The following GALNT18 variants were observed in gnomAD, a reference collection of about 807,000 sequenced individuals.
GALNT18 encodes the protein polypeptide N-acetylgalactosaminyltransferase 18, also known as GalNAc-transferase 18.
GALNT18 carries 44 observed loss-of-function variants against 69.5 expected under a neutral mutation model. The observed-to-expected ratio is 0.63, with a 90% CI of 0.50 to 0.81. The LOEUF (loss-of-function observed/expected upper bound fraction) is 0.81. Among genes scored for constraint, GALNT18 ranks in the 40% least tolerant of loss-of-function variants. The probability of loss-of-function intolerance (pLI) is 0.00; values close to 1 mark genes in which losing one functional copy is unlikely to be tolerated. For missense variants in GALNT18, 715 were observed against 810.0 expected (o/e 0.88, Z 1.42); for synonymous variants, 364 against 318.2 (o/e 1.14, Z -1.53).
intron 3 of GALNT18, among the ~76,000 whole-genome samples, chr11:11,423,285 C>CACA (rs3043442): frequency 0.1 from 15,886 of 152,274 alleles, 899 homozygotes; most frequent in African/African-American, 0.16. Flanking sequence ...TACACATGTA[C>CACA]ACAAACGTAT....
chr11:11,578,494 A>C (rs1307166759), intron 1 of GALNT18, among the ~76,000 whole-genome samples: 1 of 152,214 alleles, frequency 6.6e-6, no homozygotes, highest in Non-Finnish European at 1.5e-5. Flanking sequence ...GTTTGAGTGC[A>C]CCTGGTAATG....
intron 2 of GALNT18, among the ~76,000 whole-genome samples, chr11:11,443,800 A>C (rs1185920653): frequency 6.6e-6 from 1 of 152,202 alleles, no homozygotes; most frequent in Non-Finnish European, 1.5e-5. Context: ...TGCCTCCCCC[A>C]GTTCTTCCCA....
intron 3 of GALNT18, among the ~76,000 whole-genome samples, chr11:11,390,880 G>T (rs572426364): frequency 6.6e-6 from 1 of 152,304 alleles, no homozygotes; most frequent in South Asian, 2.1e-4. Context: ...CATTTACCTT[G>T]ACTTTGGGCA....
intron 6 of GALNT18, among the ~76,000 whole-genome samples, chr11:11,359,437 C>A (rs1850596825): frequency 1.1e-5 from 1 of 91,476 alleles, no homozygotes; most frequent in Non-Finnish European, 2.6e-5. Context: ...TGCTAGGGAC[C>A]CTTCCTTGCT....
At chr11:11,472,238 G>A (rs1035787075) in intron 1 of GALNT18, among the ~76,000 whole-genome samples, 2 of 152,334 alleles carry the variant, frequency 1.3e-5, no homozygotes, top group Admixed American at 6.5e-5. Flanking sequence ...AGAGGGATTT[G>A]CAGGGCCTGG....
Position 11,564,921 on chromosome 11 carries a change from A to AAT in GALNT18, c.235+56436_235+56437dup, listed in dbSNP as rs1282506450. ...GTCTAGAACATCTCCCTCCCCACAG[A>AAT]ATGCTTGCTCTATTGGACAGCCCTG... On this transcript the variant is annotated intron_variant, in intron 1 of 10. Transcript: ENST00000227756. This position sits in a 1 kb window ranked among gnomAD's most constrained non-coding sequence, Gnocchi z 4.3. Among the ~76,000 whole-genome samples, 1 of 152,162 alleles carries AAT rather than the reference A, an allele frequency of 6.6e-6. No individual in the cohort carries two copies. The highest frequency in any genetic ancestry group is 1.5e-5 in the Non-Finnish European group (1 of 68,032).
At chr11:11,574,679 A>G (rs1033002343) in intron 1 of GALNT18, among the ~76,000 whole-genome samples, 4 of 152,056 alleles carry the variant, frequency 2.6e-5, no homozygotes, top group African/African-American at 9.7e-5. Context: ...AGCAAAAGAC[A>G]CTCTGGGTGC....
At position 11,271,015 on chromosome 11, in the gene GALNT18, T is replaced by A. The variant is rs1418501668; in HGVS notation, c.*129A>T. On this transcript the variant is annotated 3_prime_UTR_variant, in exon 11 of 11. Coordinates refer to ENST00000227756, the MANE Select transcript of GALNT18 (RefSeq NM_198516.3). Reference sequence around the variant, plus strand: ...AACTCCATGAAAATTGAATAGGAAATAAAAAGCTCTTCTTGGGGGCCCACT... The same window carrying A: ...AACTCCATGAAAATTGAATAGGAAAAAAAAAGCTCTTCTTGGGGGCCCACT... 2.9e-6 allele frequency: 2 copies of A among 692,548 alleles called. No individual in the cohort carries two copies. Among genetic ancestry groups the A allele is most frequent in the Non-Finnish European group, 4.6e-6 (2 of 436,752 alleles). 42.9% of individuals were successfully genotyped at this position (692,548 alleles called of 1,614,324 possible).
intron 1 of GALNT18, among the ~76,000 whole-genome samples, chr11:11,608,861 A>G (rs1452684751): frequency 6.6e-6 from 1 of 152,118 alleles, no homozygotes; most frequent in Non-Finnish European, 1.5e-5. Flanking sequence ...GCCCTCTCCA[A>G]ATCTTTCTTA....
intron 1 of GALNT18, among the ~76,000 whole-genome samples, chr11:11,457,831 G>A (rs1312309825): frequency 6.6e-6 from 1 of 152,190 alleles, no homozygotes; most frequent in African/African-American, 2.4e-5. Flanking sequence ...GTGGGGAGTG[G>A]GGGCTAGCTT....
chr11:11,398,505 G>T (rs564465694), intron 3 of GALNT18, among the ~76,000 whole-genome samples: 2 of 152,296 alleles, frequency 1.3e-5, no homozygotes, highest in East Asian at 3.9e-4. Context: ...GAGGCTTTAT[G>T]GTAAGTCACC....
rs188696770 is a variant in GALNT18 at position 11,275,658 on chromosome 11, G to A, written c.1678-4368C>T. 2.4e-3 allele frequency among the ~76,000 whole-genome samples: 365 copies of A among 152,264 alleles called. 5 individuals are homozygous for A. Among genetic ancestry groups the A allele is most frequent in the African/African-American group, 8.1e-3 (336 of 41,554 alleles). On this transcript the variant is annotated intron_variant, in intron 10 of 10. Coordinates refer to ENST00000227756, the MANE Select transcript of GALNT18 (RefSeq NM_198516.3). The stretch of plus-strand genomic sequence containing the variant: ...CCAGGTTTTCTTCTAGGATTTTTAT[G>A]GTCCTAGGTCTTACATTTAAGTCTT...
intron 10 of GALNT18, among the ~76,000 whole-genome samples, chr11:11,280,348 G>A (rs1041774970): frequency 9.2e-5 from 14 of 152,108 alleles, no homozygotes; most frequent in African/African-American, 2.9e-4. Flanking sequence ...CCAGCCTCTC[G>A]CTCTCACATG....
chr11:11,395,837 G>A (rs1411763453), intron 3 of GALNT18, among the ~76,000 whole-genome samples: 1 of 151,984 alleles, frequency 6.6e-6, no homozygotes, highest in Non-Finnish European at 1.5e-5. Context: ...GAAACGCTGG[G>A]GAAACAGGAG....
chr11:11,507,330 T>C (rs1035209076), intron 1 of GALNT18, among the ~76,000 whole-genome samples: 3 of 152,198 alleles, frequency 2.0e-5, no homozygotes, highest in Non-Finnish European at 4.4e-5. Flanking sequence ...ATTTTCCCTA[T>C]CTTAGAAACA....
chr11:11,386,384 C>T (rs189937351), intron 3 of GALNT18, among the ~76,000 whole-genome samples: 16 of 152,262 alleles, frequency 1.1e-4, no homozygotes, highest in African/African-American at 3.4e-4. Context: ...TACTTGGCCC[C>T]AAATCTTGTC....
chr11:11,370,803 C>T (rs1850884291), intron 6 of GALNT18, among the ~76,000 whole-genome samples: 1 of 152,210 alleles, frequency 6.6e-6, no homozygotes, highest in African/African-American at 2.4e-5. Flanking sequence ...AATCTAATTC[C>T]TTTCTCCATT....
Position 11,614,365 on chromosome 11 carries a change from G to A in GALNT18, c.235+6994C>T, listed in dbSNP as rs201234652. On this transcript the variant is annotated intron_variant, in intron 1 of 10. Coordinates refer to ENST00000227756, the MANE Select transcript of GALNT18 (RefSeq NM_198516.3). The surrounding 1 kb of genome is among the most constrained non-coding windows in gnomAD (Gnocchi z 5.6). ...GAGAGTGAGGAGAAGAAGAAGAAGAGGAGGAGGAGGAGGAGGAGGAGGAGG... is the reference window on the plus strand; with the variant it reads ...GAGAGTGAGGAGAAGAAGAAGAAGAAGAGGAGGAGGAGGAGGAGGAGGAGG... Among the ~76,000 whole-genome samples, 3 of 30,348 alleles carry A rather than the reference G, an allele frequency of 9.9e-5. No individual in the cohort carries two copies. The highest frequency in any genetic ancestry group is 2.3e-4 in the African/African-American group (2 of 8,796). 19.9% of individuals were successfully genotyped at this position (30,348 alleles called of 152,430 possible).
intron 3 of GALNT18, among the ~76,000 whole-genome samples, chr11:11,393,753 T>G (rs1333765082): frequency 2.0e-5 from 3 of 152,246 alleles, no homozygotes; most frequent in African/African-American, 7.2e-5. Context: ...GCCCATCTTC[T>G]CACTGCGCCT....
Sources: gnomAD v4.1 joint callset for allele counts (sites outside exome capture counted in the v4.1 genomes callset) on GRCh38, gnomAD v4.1.1 for gene constraint, Gnocchi (gnomAD v3.1) non-coding constraint, MANE v1.5 for transcripts, NCBI Gene and HGNC (gene_info 2026-07-23, HGNC 2026-07-21) for gene names.